The following PLEKHA1 variants were observed in gnomAD, a reference collection of about 807,000 sequenced individuals.
The protein encoded by PLEKHA1 is pleckstrin homology domain containing A1, also known as pleckstrin homology domain-containing family A member 1.
In PLEKHA1, 34 loss-of-function variants were observed where a neutral mutation model predicts 52.0. The ratio of observed to expected loss-of-function variants is 0.65; its 90% confidence interval spans 0.50 to 0.87. The LOEUF is 0.87. Among genes scored for constraint, PLEKHA1 ranks in the 40% least tolerant of loss-of-function variants. The pLI is 0.00. For missense variants in PLEKHA1, 497 were observed against 504.2 expected (o/e 0.99, Z 0.14); for synonymous variants, 163 against 170.7 (o/e 0.95, Z 0.35).
At chr10:122,417,992 T>G in intron 8 of PLEKHA1, 24 bp downstream of exon 8, 1 of 1,571,646 alleles carries the variant, frequency 6.4e-7, no homozygotes, top group Non-Finnish European at 8.8e-7. Flanking sequence ...TCATAAATGT[T>G]GCTATAAGAA....
chr10:122,412,824 G>C, intron 5 of PLEKHA1, 96 bp from the exon 6 acceptor site: 1 of 1,349,970 alleles, frequency 7.4e-7, no homozygotes, highest in South Asian at 1.3e-5. Flanking sequence ...TCTGTCAACC[G>C]TATGCAAACG....
chr10:122,441,982 C>T, the PLEKHA1 span: 1 of 152,224 alleles, frequency 6.6e-6, no homozygotes. Context: ...CAATGTCCTT[C>T]ACAGTTTTTG....
At chr10:122,415,812 A>G (rs749045956) in intron 6 of PLEKHA1, 47 bp from the exon 7 acceptor site, 6 of 1,531,726 alleles carry the variant, frequency 3.9e-6, no homozygotes, top group Non-Finnish European at 4.5e-6. Flanking sequence ...AAATAAAAGT[A>G]TGCTAAACAA....
Position 122,426,942 on chromosome 10 carries a change from G to T in PLEKHA1, c.811G>T (p.Ala271Ser), listed in dbSNP as rs983675955. The T allele has an allele frequency of 2.5e-6, 4 of 1,612,278 alleles. No homozygotes were observed. The highest frequency in any genetic ancestry group is 2.2e-5 in the South Asian group (2 of 90,884). ...VTTSRTFYVQ[A>S]DSPEEMHSWI... ...TTGAATGAGTTCTTTTTTCCTTTAG[G>T]CTGATAGCCCTGAAGAGATGCACAG... The change falls in exon 11 of 12, where the codon GCT becomes TCT. Residue 271 changes from alanine to serine, a missense_variant and splice_region_variant. By Grantham distance (99) the Ala-to-Ser change is moderately conservative. Transcript: ENST00000368990.
chr10:122,381,903 G>A (rs2096620180), intron 1 of PLEKHA1, among the ~76,000 whole-genome samples: 1 of 152,058 alleles, frequency 6.6e-6, no homozygotes. Context: ...TGGGTCTGGA[G>A]GTCAACAGTG....
At chr10:122,388,196 A>G (rs1468551181) in intron 1 of PLEKHA1, among the ~76,000 whole-genome samples, 1 of 152,126 alleles carries the variant, frequency 6.6e-6, no homozygotes, top group Non-Finnish European at 1.5e-5. Context: ...GCAACCACCA[A>G]TCTATTCCTT....
intron 11 of PLEKHA1, chr10:122,428,358 C>G (rs1315981186): frequency 6.5e-7 from 1 of 1,544,514 alleles, no homozygotes; most frequent in Non-Finnish European, 8.7e-7. Context: ...TATGTGGGCT[C>G]TCACGCAAAC....
intron 5 of PLEKHA1, 122 bp downstream of exon 5, chr10:122,406,795 A>C (rs1202753521): frequency 4.2e-6 from 3 of 712,166 alleles, no homozygotes; most frequent in Middle Eastern, 4.0e-4. Flanking sequence ...TTTGTTTAAA[A>C]GACAGGTGTT....
chr10:122,390,917 C>T (rs547000887), intron 1 of PLEKHA1, among the ~76,000 whole-genome samples: 262 of 152,192 alleles, frequency 1.7e-3, no homozygotes, highest in African/African-American at 6.1e-3. Flanking sequence ...CCACCAGCAA[C>T]GTAGGAGGGT....
intron 9 of PLEKHA1, among the ~76,000 whole-genome samples, chr10:122,424,613 A>T (rs534277166): frequency 6.6e-6 from 1 of 152,204 alleles, no homozygotes; most frequent in Admixed American, 6.5e-5. Context: ...ATGCAGTAGA[A>T]TAGAGCTTCA....
At chr10:122,418,735 A>G (rs1010230306) in intron 8 of PLEKHA1, 3 of 152,198 alleles carry the variant, frequency 2.0e-5, no homozygotes, top group African/African-American at 7.2e-5. Context: ...AAAATATTGT[A>G]GGGTGATCTG....
chr10:122,408,493 A>G lies in PLEKHA1; in HGVS notation c.342+1820A>G, dbSNP rs182872057. On this transcript the variant is annotated intron_variant, in intron 5 of 11. Coordinates refer to ENST00000368990, the MANE Select transcript of PLEKHA1 (RefSeq NM_001001974.4). ...GTTTTTAAGATAAATTTGTTGGTAA[A>G]TGATTTTAATGTTTTTATAATTCAC... Among the ~76,000 whole-genome samples, 7 of 152,338 alleles carry G rather than the reference A, an allele frequency of 4.6e-5. No individual in the cohort carries two copies. The East Asian group carries it at 1.2e-3, about 25-fold the overall frequency.
chr10:122,433,316 T>A (rs1337100112), downstream of PLEKHA1: 3 of 152,182 alleles, frequency 2.0e-5, no homozygotes, highest in Admixed American at 6.5e-5. Context: ...CTAACTGAGA[T>A]AAATTGAGAC....
chr10:122,389,706 A>C (rs2096749817), intron 1 of PLEKHA1, among the ~76,000 whole-genome samples: 1 of 151,214 alleles, frequency 6.6e-6, no homozygotes, highest in African/African-American at 2.4e-5. Context: ...ACTCCATCTC[A>C]AAAAAAAAAT....
At chr10:122,407,811 T>C (rs1452976976) in intron 5 of PLEKHA1, among the ~76,000 whole-genome samples, 4 of 152,232 alleles carry the variant, frequency 2.6e-5, no homozygotes, top group African/African-American at 9.6e-5. Context: ...AAGTGACTTA[T>C]TCTCAAAGAA....
chr10:122,423,765 G>T (rs2097297616), intron 8 of PLEKHA1: 1 of 158,262 alleles, frequency 6.3e-6, no homozygotes, highest in African/African-American at 2.4e-5. Context: ...ATTCAATTTT[G>T]TATTTATATA....
At chr10:122,424,114 T>A (rs1191821392) in intron 8 of PLEKHA1, 85 bp from the exon 9 acceptor site, 2 of 1,459,284 alleles carry the variant, frequency 1.4e-6, no homozygotes, top group South Asian at 2.7e-5. Flanking sequence ...TTCACATGGG[T>A]CTTCAAATAA....
At chr10:122,385,778 C>T (rs1255834617) in intron 1 of PLEKHA1, among the ~76,000 whole-genome samples, 1 of 152,198 alleles carries the variant, frequency 6.6e-6, no homozygotes, top group South Asian at 2.1e-4. Context: ...TACCAAAATA[C>T]ATTTGACATT....
Position 122,424,892 on chromosome 10 carries a change from AC to A in PLEKHA1, c.747-3del. 6.2e-7 allele frequency: 1 copy of A among 1,606,366 alleles called. No individual in the cohort carries two copies. The highest frequency in any genetic ancestry group is 8.5e-7 in the Non-Finnish European group (1 of 1,176,754). On this transcript the variant is annotated splice_polypyrimidine_tract_variant and splice_region_variant and intron_variant, in intron 9 of 11. Transcript: ENST00000368990. Reference sequence around the variant, plus strand: ...AAGTATAATTGGATTTTTTTTTCATACAGCGACATAATGATGAGGGACAACC... The same window carrying A: ...AAGTATAATTGGATTTTTTTTTCATAAGCGACATAATGATGAGGGACAACC...
Sources: allele counts gnomAD v4.1 joint callset (sites outside exome capture counted in the v4.1 genomes callset), GRCh38; gene constraint gnomAD v4.1.1; transcripts MANE v1.5; gene names NCBI Gene and HGNC (gene_info 2026-07-23, HGNC 2026-07-21).